ADARB1: variants seen among roughly 807,000 people sequenced by gnomAD.
ADARB1 encodes double-stranded RNA-specific editase 1.
Under a neutral mutation model 52.4 loss-of-function variants are expected in ADARB1, and 10 were observed. The ratio of observed to expected loss-of-function variants is 0.19; its 90% CI spans 0.12 to 0.32. ADARB1 has a LOEUF of 0.32. ADARB1 is among the 10% of genes least tolerant of loss of function. The pLI is 1.00. For missense variants in ADARB1, 643 were observed against 922.3 expected (o/e 0.70, Z 3.92); for synonymous variants, 349 against 371.1 (o/e 0.94, Z 0.68).
At position 45,222,288 on chromosome 21, in the gene ADARB1, C is replaced by T. The variant is rs1344115715; in HGVS notation, c.*91C>T. The T allele has an allele frequency of 1.6e-5, 23 of 1,434,968 alleles. No homozygotes were observed. Among genetic ancestry groups the T allele is most frequent in the Non-Finnish European group, 2.1e-5 (23 of 1,099,614 alleles). 88.9% of individuals were successfully genotyped at this position (1,434,968 alleles called of 1,614,324 possible). A position where few individuals can be genotyped will look rare whatever the true frequency, so the allele number is the denominator to read the frequency against. On this transcript the variant is annotated 3_prime_UTR_variant, in exon 11 of 11. Coordinates refer to ENST00000348831, the MANE Select transcript of ADARB1 (RefSeq NM_001112.4). ...CATCTGAACTGGGGGCAGGTGCATA[C>T]CTTGGGGAGGGAGTAGGGGGACACG...
At chr21:45,109,021 AC>A (rs2087386772) in intron 1 of ADARB1, among the ~76,000 whole-genome samples, 1 of 152,216 alleles carries the variant, frequency 6.6e-6, no homozygotes, top group African/African-American at 2.4e-5. Context: ...AGGCAAAAGG[AC>A]TGAGTAAGTC....
At chr21:45,166,971 A>G (rs1358301790) in intron 2 of ADARB1, among the ~76,000 whole-genome samples, 1 of 152,158 alleles carries the variant, frequency 6.6e-6, no homozygotes. Flanking sequence ...TTCAGGTCAT[A>G]AGAGGTTCTT....
intron 2 of ADARB1, among the ~76,000 whole-genome samples, chr21:45,165,866 T>C (rs1014909288): frequency 2.6e-5 from 4 of 152,060 alleles, no homozygotes; most frequent in Non-Finnish European, 5.9e-5. Context: ...CTATTAAATA[T>C]GGAACCCATA....
intron 1 of ADARB1, among the ~76,000 whole-genome samples, chr21:45,123,787 GAT>G (rs909291929): frequency 2.0e-5 from 3 of 152,058 alleles, no homozygotes; most frequent in African/African-American, 7.3e-5. Context: ...TTTTTGTAGA[GAT>G]GGGGTTTCCA....
At chr21:45,112,387 A>G (rs1030465513) in intron 1 of ADARB1, among the ~76,000 whole-genome samples, 7 of 152,152 alleles carry the variant, frequency 4.6e-5, no homozygotes, top group Non-Finnish European at 1.0e-4. Context: ...TTGCCTAGAC[A>G]TGCACACAAG....
intron 1 of ADARB1, among the ~76,000 whole-genome samples, chr21:45,110,020 C>T (rs2087463220): frequency 6.6e-6 from 1 of 152,186 alleles, no homozygotes; most frequent in African/African-American, 2.4e-5. Context: ...ACCTCACAGT[C>T]CTCGCTCTGA....
intron 1 of ADARB1, among the ~76,000 whole-genome samples, chr21:45,099,517 A>AG (rs2086908895): frequency 6.6e-6 from 1 of 150,762 alleles, no homozygotes; most frequent in Non-Finnish European, 1.5e-5. Context: ...GTACAAAAAA[A>AG]ATTAGCTGGG....
chr21:45,159,575 T>A (rs1054794105), intron 2 of ADARB1, among the ~76,000 whole-genome samples: 1 of 152,250 alleles, frequency 6.6e-6, no homozygotes, highest in African/African-American at 2.4e-5. Context: ...AGGGGCTCAG[T>A]AATGCCTTAC....
intron 9 of ADARB1, among the ~76,000 whole-genome samples, chr21:45,207,419 GCAGAGGCTTCTGCTT>G (rs1272220234): frequency 6.6e-6 from 1 of 152,174 alleles, no homozygotes; most frequent in Non-Finnish European, 1.5e-5. Flanking sequence ...GGATGGGAGG[GCAGAGGCTTCTGCTT>G]CAGAATTGAA....
chr21:45,084,106 G>T (rs1405090589), intron 1 of ADARB1, among the ~76,000 whole-genome samples: 1 of 152,178 alleles, frequency 6.6e-6, no homozygotes, highest in African/African-American at 2.4e-5. Flanking sequence ...TGAACAGGAT[G>T]GTGCATTCTC....
At chr21:45,091,859 C>T (rs997585581) in intron 1 of ADARB1, among the ~76,000 whole-genome samples, 1 of 152,180 alleles carries the variant, frequency 6.6e-6, no homozygotes, top group African/African-American at 2.4e-5. Context: ...GGCCAGTGGA[C>T]CTCAGAAATC....
chr21:45,124,401 C>T (rs550088686), intron 1 of ADARB1, among the ~76,000 whole-genome samples: 1 of 152,230 alleles, frequency 6.6e-6, no homozygotes, highest in South Asian at 2.1e-4. Flanking sequence ...GAGACAAGGT[C>T]TCACTCTGTC....
At chr21:45,108,063 A>G (rs2087338741) in intron 1 of ADARB1, among the ~76,000 whole-genome samples, 1 of 152,222 alleles carries the variant, frequency 6.6e-6, no homozygotes, top group African/African-American at 2.4e-5. Context: ...CTCAAAAAAA[A>G]AGTAACAACT....
At chr21:45,190,831 C>G (rs959611820) in intron 8 of ADARB1, among the ~76,000 whole-genome samples, 1 of 152,394 alleles carries the variant, frequency 6.6e-6, no homozygotes, top group East Asian at 1.9e-4. Flanking sequence ...GAACATCAGA[C>G]TAATGATCCA....
chr21:45,116,560 C>G (rs2087836857), intron 1 of ADARB1, among the ~76,000 whole-genome samples: 1 of 152,170 alleles, frequency 6.6e-6, no homozygotes, highest in Admixed American at 6.5e-5. Context: ...ATACCAAAGA[C>G]TGGGTGATTT....
At chr21:45,118,999 A>G (rs752929855) in intron 1 of ADARB1, among the ~76,000 whole-genome samples, 2 of 152,240 alleles carry the variant, frequency 1.3e-5, no homozygotes, top group Non-Finnish European at 2.9e-5. Flanking sequence ...ATTCACCACC[A>G]AAAAGTACCT....
intron 1 of ADARB1, chr21:45,100,493 T>G (rs1013010321): frequency 6.6e-5 from 10 of 152,260 alleles, no homozygotes; most frequent in African/African-American, 2.4e-4. Context: ...CTGGTCATAT[T>G]TTGACTTCAT....
At chr21:45,134,473 C>A (rs564908559) in intron 2 of ADARB1, among the ~76,000 whole-genome samples, 1 of 151,806 alleles carries the variant, frequency 6.6e-6, no homozygotes, top group Admixed American at 6.6e-5. Context: ...GGTGTGTGAG[C>A]GCCCGGCAGG....
intron 2 of ADARB1, among the ~76,000 whole-genome samples, chr21:45,164,067 A>G (rs2091123215): frequency 6.6e-6 from 1 of 152,150 alleles, no homozygotes; most frequent in Non-Finnish European, 1.5e-5. Context: ...AAATGATAGA[A>G]GTTCATGCTT....
Sources: allele counts gnomAD v4.1 joint callset (sites outside exome capture counted in the v4.1 genomes callset), GRCh38; gene constraint gnomAD v4.1.1; transcripts MANE v1.5; gene names NCBI Gene and HGNC (gene_info 2026-07-23, HGNC 2026-07-21).